Variants in WDR33 observed in about 807,000 individuals in gnomAD.
WDR33 encodes WD repeat domain 33, also known as pre-mRNA 3' end processing protein WDR33.
Under a neutral mutation model 164.9 loss-of-function variants are expected in WDR33, and 47 were observed. That is an observed-to-expected ratio of 0.29 (90% CI 0.23 to 0.36). The LOEUF is 0.36. Ranked by LOEUF, WDR33 falls within the 10% of genes least tolerant of loss-of-function variation. WDR33 has a pLI of 1.00. For missense variants in WDR33, 1,137 were observed against 1,754.1 expected, an observed-to-expected ratio of 0.65 and a Z score of 6.28; for synonymous variants, 505 against 589.0, an observed-to-expected ratio of 0.86 and a Z score of 2.06.
Position 127,708,434 on chromosome 2 carries a change from G to A in WDR33, c.3781+243C>T, listed in dbSNP as rs1686068363. 6.6e-6 allele frequency among the ~76,000 whole-genome samples: 1 copy of A among 152,254 alleles called. No homozygotes were observed. Among genetic ancestry groups the A allele is most frequent in the African/African-American group, 2.4e-5 (1 of 41,472 alleles). On this transcript the variant is annotated intron_variant, in intron 21 of 21. Coordinates refer to ENST00000322313, the MANE Select transcript of WDR33 (RefSeq NM_018383.5). This position sits in a 1 kb window ranked among gnomAD's most constrained non-coding sequence, Gnocchi z 6.7. ...GACAGCAAGCCGAGCAGAGAGTGCTGGGGCATCTTGGCAGAGGGCTGAAGT... is the reference window on the plus strand; with the variant it reads ...GACAGCAAGCCGAGCAGAGAGTGCTAGGGCATCTTGGCAGAGGGCTGAAGT...
At chr2:127,729,041 G>T (rs1225636425) in intron 7 of WDR33, among the ~76,000 whole-genome samples, 1 of 152,186 alleles carries the variant, frequency 6.6e-6, no homozygotes, top group Non-Finnish European at 1.5e-5. Flanking sequence ...AGCAAGTGAG[G>T]AATCTCATGA....
chr2:127,701,835 C>G lies in WDR33; in HGVS notation c.*4488G>C. ...CGCGCTCTACGCACCGGTGTTGCTG[C>G]TGCGCGCGCGCAAGTTCGCGCTGCT... is the stretch of plus-strand genomic sequence containing the variant. On this transcript the variant is annotated 3_prime_UTR_variant, in exon 22 of 22. Coordinates refer to ENST00000322313, the MANE Select transcript of WDR33 (RefSeq NM_018383.5). The G allele has an allele frequency of 6.9e-7, 1 of 1,459,158 alleles. No homozygotes were observed. Among genetic ancestry groups the G allele is most frequent in the Non-Finnish European group, 9.0e-7 (1 of 1,110,090 alleles). The allele number at this position is 1,459,158 out of a possible 1,614,324, so 90.4% of individuals were successfully genotyped here. A position where few individuals can be genotyped will look rare whatever the true frequency, so the allele number is the denominator to read the frequency against.
At chr2:127,796,449 A>T (rs1689046653) in intron 1 of WDR33, among the ~76,000 whole-genome samples, 1 of 151,968 alleles carries the variant, frequency 6.6e-6, no homozygotes, top group Non-Finnish European at 1.5e-5. Flanking sequence ...ACAGTGGCTC[A>T]CGCCTATAAT....
At position 127,710,108 on chromosome 2, in the gene WDR33, A is replaced by G. The variant is rs1191663100; in HGVS notation, c.3309-252T>C. On this transcript the variant is annotated intron_variant, in intron 18 of 21. Coordinates refer to ENST00000322313, the MANE Select transcript of WDR33 (RefSeq NM_018383.5). The surrounding 1 kb of genome is among the most constrained non-coding windows in gnomAD (Gnocchi z 4.4). ...GCTTCTTTTAGGCTTTTAGGTATAT[A>G]CAAGTATTACTTCATTTCATTCATT... 2.0e-5 allele frequency among the ~76,000 whole-genome samples: 3 copies of G among 152,350 alleles called. No individual in the cohort carries two copies. Among genetic ancestry groups the G allele is most frequent in the East Asian group, 3.9e-4 (2 of 5,194 alleles).
chr2:127,769,928 C>G (rs995383117), intron 2 of WDR33, among the ~76,000 whole-genome samples: 2 of 152,186 alleles, frequency 1.3e-5, no homozygotes, highest in East Asian at 3.9e-4. Context: ...AGGTAGACCC[C>G]TGCCTTGCCT....
In WDR33 at chr2:127,704,998, G is replaced by A. The variant is rs1226839474; in HGVS notation, c.*1325C>T. The A allele has an allele frequency of 6.2e-6, 1 of 160,490 alleles. No homozygotes were observed. Among genetic ancestry groups the A allele is most frequent in the Non-Finnish European group, 1.5e-5 (1 of 68,112 alleles). The allele number at this position is 160,490 out of a possible 1,614,324, so 9.9% of individuals were successfully genotyped here. On this transcript the variant is annotated 3_prime_UTR_variant, in exon 22 of 22. Coordinates refer to ENST00000322313, the MANE Select transcript of WDR33 (RefSeq NM_018383.5). ...TAGTCCTAGCTACTAGGGAGGCTGAGGCAGGGTCAAAGCTGAAGTGAGCCG... is the reference window on the plus strand; with the variant it reads ...TAGTCCTAGCTACTAGGGAGGCTGAAGCAGGGTCAAAGCTGAAGTGAGCCG...
chr2:127,702,041 G>C lies in WDR33; in HGVS notation c.*4282C>G, dbSNP rs1313570125. On this transcript the variant is annotated 3_prime_UTR_variant, in exon 22 of 22. Transcript: ENST00000322313. ...TTCGCAGCACGCTGCTCACGGTGCT[G>C]GGCGCGGGCGCGCAGGTGGCCGCGC... 1.5e-5 allele frequency: 18 copies of C among 1,233,382 alleles called. No individual in the cohort carries two copies. The highest frequency in any genetic ancestry group is 1.6e-5 in the Non-Finnish European group (16 of 990,308). 76.4% of individuals were successfully genotyped at this position (1,233,382 alleles called of 1,614,324 possible).
intron 7 of WDR33, among the ~76,000 whole-genome samples, chr2:127,760,638 A>G (rs900353969): frequency 7.9e-5 from 12 of 152,218 alleles, no homozygotes; most frequent in African/African-American, 2.9e-4. Flanking sequence ...CTGGAATCTA[A>G]TAACTCTTCT....
intron 18 of WDR33, among the ~76,000 whole-genome samples, chr2:127,711,040 G>T (rs1333357770): frequency 2.6e-5 from 4 of 152,172 alleles, no homozygotes; most frequent in African/African-American, 9.7e-5. Flanking sequence ...CTAAGAACAA[G>T]AACTTTCTCC....
chr2:127,807,603 T>G (rs1365949160), intron 1 of WDR33, among the ~76,000 whole-genome samples: 4 of 152,094 alleles, frequency 2.6e-5, no homozygotes, highest in Admixed American at 6.6e-5. Context: ...ATTAATTGGA[T>G]TTAGCTGGAT....
intron 1 of WDR33, among the ~76,000 whole-genome samples, chr2:127,771,904 G>C (rs1688015821): frequency 6.6e-6 from 1 of 152,138 alleles, no homozygotes; most frequent in African/African-American, 2.4e-5. Context: ...ATAACAGCTT[G>C]AGGCAGGGTG....
chr2:127,723,244 G>T lies in WDR33; in HGVS notation c.1291+9C>A. The T allele has an allele frequency of 6.2e-7, 1 of 1,609,902 alleles. No homozygotes were observed. The highest frequency in any genetic ancestry group is 1.1e-5 in the South Asian group (1 of 90,518). ...ATTTCAAAGAAGGACAGATGTGCAAGAGTCTCACCATATTCTACTCCATCT... is the reference window on the plus strand; with the variant it reads ...ATTTCAAAGAAGGACAGATGTGCAATAGTCTCACCATATTCTACTCCATCT... On this transcript the variant is annotated intron_variant, in intron 12 of 21. Transcript: ENST00000322313. The surrounding 1 kb of genome is among the most constrained non-coding windows in gnomAD (Gnocchi z 5.9).
intron 1 of WDR33, among the ~76,000 whole-genome samples, chr2:127,810,389 AC>A (rs1486111254): frequency 1.3e-5 from 2 of 152,202 alleles, no homozygotes; most frequent in African/African-American, 4.8e-5. Context: ...ACAACCAAGT[AC>A]AAACATTCAT....
chr2:127,706,581 T>C lies in WDR33; in HGVS notation c.3782-29A>G, dbSNP rs1430674424. 6.4e-7 allele frequency: 1 copy of C among 1,574,350 alleles called. No homozygotes were observed. Among genetic ancestry groups the C allele is most frequent in the Admixed American group, 1.9e-5 (1 of 52,210 alleles). ...AAACAAAGAAAATTTCACATGGGAC[T>C]TTTTGTATTAGCAACTGTTTGTCAG... On this transcript the variant is annotated intron_variant, in intron 21 of 21. Coordinates refer to ENST00000322313, the MANE Select transcript of WDR33 (RefSeq NM_018383.5). This position sits in a 1 kb window ranked among gnomAD's most constrained non-coding sequence, Gnocchi z 5.1.
rs139645628 is a variant in WDR33 at position 127,710,280 on chromosome 2, G to A, written c.3309-424C>T. Among the ~76,000 whole-genome samples, 6 of 152,318 alleles carry A rather than the reference G, an allele frequency of 3.9e-5. No homozygotes were observed. The East Asian group carries it at 1.2e-3, about 29-fold the overall frequency. On this transcript the variant is annotated intron_variant, in intron 18 of 21. Coordinates refer to ENST00000322313, the MANE Select transcript of WDR33 (RefSeq NM_018383.5). The surrounding 1 kb of genome is among the most constrained non-coding windows in gnomAD (Gnocchi z 4.4). ...TCAGCCAGTCTTGACCCTCGGCCCA[G>A]GTTCTGTATCACTGCCTCACAAATA...
At chr2:127,734,210 T>A (rs879448774) in intron 7 of WDR33, among the ~76,000 whole-genome samples, 2 of 152,250 alleles carry the variant, frequency 1.3e-5, no homozygotes, top group African/African-American at 4.8e-5. Flanking sequence ...TTGTTCGGAA[T>A]GAAGGAATGT....
chr2:127,719,514 CT>C lies in WDR33; in HGVS notation c.2510del (p.Gln837ArgfsTer33). On this transcript the variant is annotated frameshift_variant, in exon 16 of 22. Coordinates refer to ENST00000322313, the MANE Select transcript of WDR33 (RefSeq NM_018383.5). LOFTEE classifies it high-confidence loss of function. This position sits in a 1 kb window ranked among gnomAD's most constrained non-coding sequence, Gnocchi z 6.5. ...GCATTGATCCTTGGGGTGGAGGCCC[CT>C]GCATGCCTCGGATCTCCTGAGGACC... ...MRGPQEIRGM[Q>X]GPPPQGSMLG... 1.2e-6 allele frequency: 2 copies of C among 1,613,582 alleles called. No homozygotes were observed. Among genetic ancestry groups the C allele is most frequent in the Non-Finnish European group, 1.7e-6 (2 of 1,179,720 alleles).
Position 127,701,597 on chromosome 2 carries a change from G to T in WDR33, c.*4726C>A. The T allele has an allele frequency of 4.4e-6, 6 of 1,352,310 alleles. No homozygotes were observed. The highest frequency in any genetic ancestry group is 5.7e-6 in the Non-Finnish European group (6 of 1,053,544). 83.8% of individuals were successfully genotyped at this position (1,352,310 alleles called of 1,614,324 possible). ...GGAAAGCTGGCGGCCCGGCGGCCGCGGAGCCGCTGCTCGCCGCGGAGAAGG... is the reference window on the plus strand; with the variant it reads ...GGAAAGCTGGCGGCCCGGCGGCCGCTGAGCCGCTGCTCGCCGCGGAGAAGG... On this transcript the variant is annotated 3_prime_UTR_variant, in exon 22 of 22. Transcript: ENST00000322313.
At chr2:127,753,612 T>C (rs1391185797) in intron 7 of WDR33, among the ~76,000 whole-genome samples, 4 of 152,214 alleles carry the variant, frequency 2.6e-5, no homozygotes, top group Admixed American at 1.3e-4. Context: ...GAGTTTGTGA[T>C]TGTAATCATA....
Sources: allele counts gnomAD v4.1 joint callset (sites outside exome capture counted in the v4.1 genomes callset), GRCh38; gene constraint gnomAD v4.1.1; non-coding constraint Gnocchi (gnomAD v3.1); transcripts MANE v1.5; gene names NCBI Gene and HGNC (gene_info 2026-07-23, HGNC 2026-07-21).